NR6A1: variants seen among roughly 807,000 people sequenced by gnomAD.
NR6A1 encodes the protein nuclear receptor subfamily 6 group A member 1, also known as retinoic acid receptor-related testis-associated receptor.
Under a neutral mutation model 59.1 loss-of-function variants are expected in NR6A1, and 7 were observed. The ratio of observed to expected loss-of-function variants is 0.12; its 90% confidence interval spans 0.07 to 0.22. NR6A1 has a LOEUF of 0.22. Among genes scored for constraint, NR6A1 ranks in the 10% least tolerant of loss-of-function variants. NR6A1 has a pLI of 1.00. For missense variants in NR6A1, 468 were observed against 611.6 expected (o/e 0.77, Z 2.48); for synonymous variants, 243 against 236.1 (o/e 1.03, Z -0.27).
intron 2 of NR6A1, among the ~76,000 whole-genome samples, chr9:124,654,860 C>T (rs1415510439): frequency 8.4e-6 from 1 of 118,646 alleles, no homozygotes; most frequent in East Asian, 2.4e-4. Context: ...TTTATACATA[C>T]ATTTTTTTTT....
intron 2 of NR6A1, among the ~76,000 whole-genome samples, chr9:124,683,876 A>G (rs955960824): frequency 2.0e-5 from 3 of 152,226 alleles, no homozygotes; most frequent in African/African-American, 7.2e-5. Context: ...CCACTTGCCA[A>G]AAGTCACACG....
At chr9:124,570,319 C>T (rs1394803962) in intron 2 of NR6A1, among the ~76,000 whole-genome samples, 3 of 152,212 alleles carry the variant, frequency 2.0e-5, no homozygotes, top group Admixed American at 6.5e-5. Context: ...GTCTACTAGG[C>T]GTGTCCTTAA....
At chr9:124,758,099 G>A (rs538600537) in intron 1 of NR6A1, among the ~76,000 whole-genome samples, 2 of 152,308 alleles carry the variant, frequency 1.3e-5, no homozygotes, top group South Asian at 2.1e-4. Context: ...TCTCAGATTC[G>A]ATCTGTCACC....
chr9:124,656,426 C>T (rs575151636), intron 2 of NR6A1, among the ~76,000 whole-genome samples: 5 of 152,232 alleles, frequency 3.3e-5, no homozygotes, highest in Non-Finnish European at 4.4e-5. Flanking sequence ...TTCTGACATG[C>T]GACAACATGC....
At chr9:124,637,561 A>G (rs182695620) in intron 2 of NR6A1, among the ~76,000 whole-genome samples, 109 of 152,302 alleles carry the variant, frequency 7.2e-4, no homozygotes, top group Non-Finnish European at 1.2e-3. Flanking sequence ...TCTCAAATCA[A>G]GTCTGACTCC....
At chr9:124,547,658 C>T (rs1272149422) in intron 3 of NR6A1, among the ~76,000 whole-genome samples, 2 of 152,160 alleles carry the variant, frequency 1.3e-5, no homozygotes, top group East Asian at 1.9e-4. Flanking sequence ...AAGAAGGACA[C>T]AACATCATTT....
At chr9:124,736,147 G>A (rs1280391415) in intron 1 of NR6A1, among the ~76,000 whole-genome samples, 2 of 152,224 alleles carry the variant, frequency 1.3e-5, no homozygotes, top group South Asian at 2.1e-4. Context: ...ACAATGGGAA[G>A]GTTAGACCTC....
intron 1 of NR6A1, among the ~76,000 whole-genome samples, chr9:124,742,809 G>C (rs1313112777): frequency 6.6e-6 from 1 of 152,190 alleles, no homozygotes; most frequent in Admixed American, 6.5e-5. Flanking sequence ...CCGGGAAGTA[G>C]AGGTTGCAGT....
intron 2 of NR6A1, among the ~76,000 whole-genome samples, chr9:124,577,284 A>G (rs892291257): frequency 6.6e-6 from 1 of 152,186 alleles, no homozygotes; most frequent in South Asian, 2.1e-4. Context: ...TTCCCACACA[A>G]AAAAATTCTT....
At chr9:124,642,028 C>A (rs1397531026) in intron 2 of NR6A1, among the ~76,000 whole-genome samples, 2 of 151,978 alleles carry the variant, frequency 1.3e-5, no homozygotes, top group Non-Finnish European at 2.9e-5. Flanking sequence ...CACTTAACAG[C>A]TGAGTGAGTT....
At chr9:124,702,041 T>C (rs1476162350) in intron 2 of NR6A1, among the ~76,000 whole-genome samples, 1 of 152,170 alleles carries the variant, frequency 6.6e-6, no homozygotes, top group Admixed American at 6.5e-5. Context: ...AGATATTTAA[T>C]TTGCAAATAT....
chr9:124,611,749 T>TAGAGAGAGAGAGAGAGAG (rs34197337), intron 2 of NR6A1, among the ~76,000 whole-genome samples: 4 of 91,490 alleles, frequency 4.4e-5, no homozygotes, highest in African/African-American at 2.0e-4. Context: ...GACCCTGTCT[T>TAGAGAGAGAGAGAGAGAG]AGAGAGAGAG....
At chr9:124,570,003 A>G (rs1205061543) in intron 2 of NR6A1, among the ~76,000 whole-genome samples, 1 of 152,200 alleles carries the variant, frequency 6.6e-6, no homozygotes, top group Non-Finnish European at 1.5e-5. Context: ...CCAATTTACT[A>G]TGCCAAAGGA....
intron 1 of NR6A1, among the ~76,000 whole-genome samples, chr9:124,751,731 T>C (rs1840503067): frequency 6.6e-6 from 1 of 152,196 alleles, no homozygotes; most frequent in Non-Finnish European, 1.5e-5. Context: ...TGTTCAGAGA[T>C]ATGGCTAGCA....
chr9:124,588,728 G>T (rs929901935), intron 2 of NR6A1, among the ~76,000 whole-genome samples: 2 of 148,662 alleles, frequency 1.3e-5, no homozygotes, highest in African/African-American at 4.9e-5. Flanking sequence ...CACCATCCTG[G>T]CTAACAACGT....
intron 2 of NR6A1, among the ~76,000 whole-genome samples, chr9:124,571,096 T>C (rs1360033629): frequency 3.3e-5 from 5 of 152,184 alleles, no homozygotes. Flanking sequence ...GAATGAGTCA[T>C]TCTGGAGATA....
At chr9:124,544,855 G>C (rs959396988) in intron 3 of NR6A1, among the ~76,000 whole-genome samples, 1 of 152,144 alleles carries the variant, frequency 6.6e-6, no homozygotes, top group South Asian at 2.1e-4. Context: ...ATGTAGGGGG[G>C]CACTGTGGTC....
At chr9:124,706,036 A>G (rs1198557996) in intron 2 of NR6A1, among the ~76,000 whole-genome samples, 1 of 152,202 alleles carries the variant, frequency 6.6e-6, no homozygotes, top group Non-Finnish European at 1.5e-5. Context: ...TCGGCCTCCC[A>G]AAGTGCCGGG....
chr9:124,652,208 A>C (rs1837127491), intron 2 of NR6A1, among the ~76,000 whole-genome samples: 1 of 152,088 alleles, frequency 6.6e-6, no homozygotes, highest in South Asian at 2.1e-4. Flanking sequence ...CTATTTCCAC[A>C]CTGTTGGATT....
Sources: gnomAD v4.1 joint callset for allele counts (sites outside exome capture counted in the v4.1 genomes callset) on GRCh38, gnomAD v4.1.1 for gene constraint, MANE v1.5 for transcripts, NCBI Gene and HGNC (gene_info 2026-07-23, HGNC 2026-07-21) for gene names.